Variants in PCBP4 observed in about 807,000 individuals in gnomAD.
PCBP4 encodes the protein poly(rC) binding protein 4.
Under a neutral mutation model 46.2 loss-of-function variants are expected in PCBP4, and 24 were observed. The observed-to-expected ratio is 0.52, with a 90% CI of 0.38 to 0.73. The LOEUF (loss-of-function observed/expected upper bound fraction) is 0.73. Among genes scored for constraint, PCBP4 ranks in the 30% least tolerant of loss-of-function variants. The pLI is 0.00. For missense variants in PCBP4, 407 were observed against 537.0 expected (o/e 0.76, Z 2.39); for synonymous variants, 203 against 224.4 (o/e 0.90, Z 0.85).
At chr3:51,962,379 C>G (rs1700221595) in intron 1 of PCBP4, among the ~76,000 whole-genome samples, 2 of 146,958 alleles carry the variant, frequency 1.4e-5, no homozygotes, top group Non-Finnish European at 3.0e-5. Flanking sequence ...CCGACTTAAT[C>G]CTCAACCTTA....
chr3:51,958,250 A>G lies in PCBP4; in HGVS notation c.1023T>C (p.Ala341=). Residue 341 remains alanine (A), a synonymous_variant, in exon 14 of 14, where the codon GCT becomes GCC. Coordinates refer to ENST00000461554, the MANE Select transcript of PCBP4 (RefSeq NM_001174100.2). The surrounding 1 kb of genome is among the most constrained non-coding windows in gnomAD (Gnocchi z 5.4). ...FSPPLTALPT[A]PPGLLGTPYA... is the part of the protein sequence containing the mutation. ...AGGGTGTGCCCAGCAGGCCAGGGGG[A>G]GCTGTGGGCAGGGCCGTCAGGGGTG... is the stretch of plus-strand genomic sequence containing the variant. 2 of 1,597,182 alleles carry G rather than the reference A, an allele frequency of 1.3e-6. No homozygotes were observed. The highest frequency in any genetic ancestry group is 8.5e-7 in the Non-Finnish European group (1 of 1,172,650).
chr3:51,958,676 C>G lies in PCBP4; in HGVS notation c.923+114G>C. 8.3e-7 allele frequency: 1 copy of G among 1,209,498 alleles called. No individual in the cohort carries two copies. The allele number at this position is 1,209,498 out of a possible 1,614,324, so 74.9% of individuals were successfully genotyped here. ...GGAATTGGAGTAGGGTTAGGAGAGG[C>G]AGAGGTCGGGCCCAGACAGAGAGAG... On this transcript the variant is annotated intron_variant, in intron 13 of 13. Coordinates refer to ENST00000461554, the MANE Select transcript of PCBP4 (RefSeq NM_001174100.2). This position sits in a 1 kb window ranked among gnomAD's most constrained non-coding sequence, Gnocchi z 5.4.
Position 51,958,846 on chromosome 3 carries a change from G to A in PCBP4, c.867C>T (p.Val289=). 6.2e-7 allele frequency: 1 copy of A among 1,613,956 alleles called. No homozygotes were observed. Among genetic ancestry groups the A allele is most frequent in the Middle Eastern group, 1.7e-4 (1 of 6,058 alleles). ...TGGAGACCGGAGAGCCAGTGATGGT[G>A]ACATGCCGCTCCCCAGCGCCCTCTG... The part of the protein sequence containing the change: ...NQAEGAGERH[V]TITGSPVSIA... Residue 289 remains valine (V), a synonymous_variant, in exon 13 of 14, where the codon GTC becomes GTT. Transcript: ENST00000461554. The surrounding 1 kb of genome is among the most constrained non-coding windows in gnomAD (Gnocchi z 5.4).
chr3:51,960,894 C>T lies in PCBP4; in HGVS notation c.110G>A (p.Gly37Asp). 1 of 1,610,518 alleles carries T rather than the reference C, an allele frequency of 6.2e-7. No homozygotes were observed. The highest frequency in any genetic ancestry group is 8.5e-7 in the Non-Finnish European group (1 of 1,179,992). Residue 37 changes from glycine to aspartate, a missense_variant, in exon 5 of 14, where the codon GGC becomes GAC. Physicochemically the swap from Gly to Asp is moderately conservative, Grantham distance 94 (BLOSUM62 -1). Coordinates refer to ENST00000461554, the MANE Select transcript of PCBP4 (RefSeq NM_001174100.2). This position sits in a 1 kb window ranked among gnomAD's most constrained non-coding sequence, Gnocchi z 5.0. ...KEVGSIIGKK[G>D]ETVKRIREQS... The stretch of plus-strand genomic sequence containing the variant: ...CTCCCGGATTCGCTTTACAGTCTCG[C>T]CCTTCTGTGGGAGGTACAAAACAGA...
At position 51,958,652 on chromosome 3, in the gene PCBP4, G is replaced by A. The variant is rs1479705847; in HGVS notation, c.923+138C>T. Reference sequence around the variant, plus strand: ...GGGTGAATTAGGCAAAGACCATGGGGAATTGGAGTAGGGTTAGGAGAGGCA... The same window carrying A: ...GGGTGAATTAGGCAAAGACCATGGGAAATTGGAGTAGGGTTAGGAGAGGCA... On this transcript the variant is annotated intron_variant, in intron 13 of 13. Coordinates refer to ENST00000461554, the MANE Select transcript of PCBP4 (RefSeq NM_001174100.2). This position sits in a 1 kb window ranked among gnomAD's most constrained non-coding sequence, Gnocchi z 5.4. 1.1e-6 allele frequency: 1 copy of A among 925,788 alleles called. No individual in the cohort carries two copies. The highest frequency in any genetic ancestry group is 1.6e-6 in the Non-Finnish European group (1 of 628,936). 57.3% of individuals were successfully genotyped at this position (925,788 alleles called of 1,614,324 possible).
intron 2 of PCBP4, chr3:51,961,564 T>A (rs558505126): frequency 2.7e-4 from 119 of 446,742 alleles, no homozygotes; most frequent in African/African-American, 2.0e-3. Context: ...CAAAGAGTGA[T>A]GAGAATTAAA....
At chr3:51,963,091 T>C (rs534578649) in intron 1 of PCBP4, 5 of 152,336 alleles carry the variant, frequency 3.3e-5, no homozygotes, top group Admixed American at 1.3e-4. Flanking sequence ...TGCTGCCTTC[T>C]CCTTATGTCC....
chr3:51,960,134 T>G lies in PCBP4; in HGVS notation c.387+55A>C, dbSNP rs555427435. ...GGACGCCATAAGCCCAACACCCCTC[T>G]TACAACTGCTCCCTTGCCCCGGATT... is the stretch of plus-strand genomic sequence containing the variant. On this transcript the variant is annotated intron_variant, in intron 7 of 13. Transcript: ENST00000461554. This position sits in a 1 kb window ranked among gnomAD's most constrained non-coding sequence, Gnocchi z 5.0. The G allele has an allele frequency of 6.2e-7, 1 of 1,614,098 alleles. No homozygotes were observed. Among genetic ancestry groups the G allele is most frequent in the Non-Finnish European group, 8.5e-7 (1 of 1,179,968 alleles).
chr3:51,966,143 G>A (rs939011976), intron 1 of PCBP4, among the ~76,000 whole-genome samples: 2 of 152,262 alleles, frequency 1.3e-5, no homozygotes, highest in African/African-American at 4.8e-5. Flanking sequence ...GGTGATGGAG[G>A]CTGGAGGGGC....
chr3:51,957,782 A>T lies in PCBP4; in HGVS notation c.*279T>A. ...GAGTGACACCCGCCATGGTGGGGGC[A>T]CTAGGGAGTCTCCTGGCTGCTCCCT... On this transcript the variant is annotated 3_prime_UTR_variant, in exon 14 of 14. Coordinates refer to ENST00000461554, the MANE Select transcript of PCBP4 (RefSeq NM_001174100.2). 7.2e-6 allele frequency: 2 copies of T among 279,002 alleles called. No homozygotes were observed. Among genetic ancestry groups the T allele is most frequent in the Non-Finnish European group, 1.3e-5 (2 of 148,464 alleles). 17.3% of individuals were successfully genotyped at this position (279,002 alleles called of 1,614,324 possible). A position where few individuals can be genotyped will look rare whatever the true frequency, so the allele number is the denominator to read the frequency against.
chr3:51,961,503 C>T (rs1178627760), intron 2 of PCBP4, 199 bp from the exon 3 acceptor site: 2 of 628,708 alleles, frequency 3.2e-6, no homozygotes, highest in South Asian at 2.4e-5. Context: ...CCATTCAACC[C>T]TCTGAGCCTC....
In PCBP4 at chr3:51,960,434, C is replaced by T. The variant is rs1700094714; in HGVS notation, c.255+92G>A. 6.4e-7 allele frequency: 1 copy of T among 1,556,430 alleles called. No individual in the cohort carries two copies. Among genetic ancestry groups the T allele is most frequent in the African/African-American group, 1.4e-5 (1 of 73,678 alleles). ...CAAGGGAACACTGCCCTGGGCTTGA[C>T]CTCCCCTCCCACCCATAGCCACTAT... On this transcript the variant is annotated intron_variant, in intron 6 of 13. Coordinates refer to ENST00000461554, the MANE Select transcript of PCBP4 (RefSeq NM_001174100.2). This position sits in a 1 kb window ranked among gnomAD's most constrained non-coding sequence, Gnocchi z 5.0.
chr3:51,962,437 C>T (rs1217568429), intron 1 of PCBP4, among the ~76,000 whole-genome samples: 1 of 152,124 alleles, frequency 6.6e-6, no homozygotes, highest in Non-Finnish European at 1.5e-5. Flanking sequence ...CCTGCCAAGG[C>T]TCAGCCTTGA....
At position 51,959,691 on chromosome 3, in the gene PCBP4, G is replaced by A; in HGVS notation, c.517-40C>T. The A allele has an allele frequency of 6.5e-7, 1 of 1,532,482 alleles. No individual in the cohort carries two copies. The highest frequency in any genetic ancestry group is 1.2e-5 in the South Asian group (1 of 83,608). The allele number at this position is 1,532,482 out of a possible 1,614,324, so 94.9% of individuals were successfully genotyped here. On this transcript the variant is annotated intron_variant, in intron 8 of 13. Transcript: ENST00000461554. This position sits in a 1 kb window ranked among gnomAD's most constrained non-coding sequence, Gnocchi z 5.6. ...CAGGGCTCTGTCAGGACCCTCTCAGGCTCCGATAACCTCCCCAGCTGCCCA... is the reference window on the plus strand; with the variant it reads ...CAGGGCTCTGTCAGGACCCTCTCAGACTCCGATAACCTCCCCAGCTGCCCA...
At chr3:51,962,635 C>G (rs945630926) in intron 1 of PCBP4, among the ~76,000 whole-genome samples, 3 of 152,180 alleles carry the variant, frequency 2.0e-5, no homozygotes, top group Non-Finnish European at 2.9e-5. Flanking sequence ...CCTCCTCAGC[C>G]CCCTGCCCCA....
chr3:51,966,970 T>C (rs997766528), intron 1 of PCBP4, among the ~76,000 whole-genome samples: 1 of 152,026 alleles, frequency 6.6e-6, no homozygotes, highest in Non-Finnish European at 1.5e-5. Context: ...GGAAGGAGTG[T>C]GTGCCCAGCC....
At chr3:51,966,710 G>A (rs1325288235) in intron 1 of PCBP4, among the ~76,000 whole-genome samples, 1 of 152,072 alleles carries the variant, frequency 6.6e-6, no homozygotes. Flanking sequence ...TCAAGATGGC[G>A]GGCCAGGGAT....
At position 51,959,560 on chromosome 3, in the gene PCBP4, C is replaced by T. The variant is rs1190324604; in HGVS notation, c.591+17G>A. 1.3e-6 allele frequency: 2 copies of T among 1,549,758 alleles called. No individual in the cohort carries two copies. The highest frequency in any genetic ancestry group is 1.7e-6 in the Non-Finnish European group (2 of 1,145,012). Reference sequence around the variant, plus strand: ...TTCTCCAGTAATGTGTCCCACTGCTCCTGTTGTTCCCCTCACCTGGTTGGC... The same window carrying T: ...TTCTCCAGTAATGTGTCCCACTGCTTCTGTTGTTCCCCTCACCTGGTTGGC... On this transcript the variant is annotated intron_variant, in intron 9 of 13. Transcript: ENST00000461554. The surrounding 1 kb of genome is among the most constrained non-coding windows in gnomAD (Gnocchi z 5.6).
At position 51,958,759 on chromosome 3, in the gene PCBP4, G is replaced by A. The variant is rs1699967314; in HGVS notation, c.923+31C>T. ...CTTGGGCACATGAGAACCGTGACCT[G>A]CTCCCCCACTGCCGCCCAGCCCGCG... On this transcript the variant is annotated intron_variant, in intron 13 of 13. Transcript: ENST00000461554. The surrounding 1 kb of genome is among the most constrained non-coding windows in gnomAD (Gnocchi z 5.4). The A allele has an allele frequency of 1.3e-6, 2 of 1,595,940 alleles. No homozygotes were observed. The highest frequency in any genetic ancestry group is 1.1e-5 in the South Asian group (1 of 89,930).
Sources: allele counts gnomAD v4.1 joint callset (sites outside exome capture counted in the v4.1 genomes callset), GRCh38; gene constraint gnomAD v4.1.1; non-coding constraint Gnocchi (gnomAD v3.1); transcripts MANE v1.5; gene names NCBI Gene and HGNC (gene_info 2026-07-23, HGNC 2026-07-21).